The following HIPK2 variants were observed in gnomAD, a reference collection of about 807,000 sequenced individuals.
HIPK2 encodes the protein homeodomain-interacting protein kinase 2.
A neutral mutation model predicts 113.7 loss-of-function variants in HIPK2; 27 were observed. The ratio of observed to expected loss-of-function variants is 0.24; its 90% CI spans 0.17 to 0.33. HIPK2 has a LOEUF of 0.33. Ranked by LOEUF, HIPK2 falls within the 10% of genes least tolerant of loss-of-function variation. The pLI, the probability that HIPK2 is intolerant of heterozygous loss-of-function variation, is 1.00. For synonymous variants in HIPK2, 631 were observed against 642.2 expected (o/e 0.98, Z 0.26); for missense variants, 1,257 against 1,588.0 (o/e 0.79, Z 3.54).
intron 1 of HIPK2, among the ~76,000 whole-genome samples, chr7:139,719,732 G>A (rs753733332): frequency 2.0e-5 from 3 of 152,176 alleles, no homozygotes; most frequent in Admixed American, 1.3e-4. Flanking sequence ...TAGACAAGAA[G>A]GTGCTAAGCC....
intron 2 of HIPK2, among the ~76,000 whole-genome samples, chr7:139,664,399 T>G (rs1476604419): frequency 6.6e-6 from 1 of 151,988 alleles, no homozygotes; most frequent in Non-Finnish European, 1.5e-5. Context: ...TAGCCGGGCA[T>G]GGTGGTGGGT....
At chr7:139,585,659 A>G (rs952606653) in intron 12 of HIPK2, among the ~76,000 whole-genome samples, 2 of 152,196 alleles carry the variant, frequency 1.3e-5, no homozygotes, top group Admixed American at 1.3e-4. Flanking sequence ...TTGTTTTGAG[A>G]ACTAAGTGAG....
At chr7:139,730,403 C>T (rs1795738030) in intron 1 of HIPK2, among the ~76,000 whole-genome samples, 1 of 151,992 alleles carries the variant, frequency 6.6e-6, no homozygotes, top group African/African-American at 2.4e-5. Flanking sequence ...CTCTGTCGCC[C>T]AGGCTGGAGT....
chr7:139,605,707 T>C (rs1407857357), intron 9 of HIPK2, among the ~76,000 whole-genome samples: 2 of 152,164 alleles, frequency 1.3e-5, no homozygotes, highest in Admixed American at 1.3e-4. Context: ...TTTGATACTG[T>C]TTGTTTGCTT....
chr7:139,705,422 G>C lies in HIPK2; in HGVS notation c.1103+10510C>G, dbSNP rs1357711365. 3.3e-5 allele frequency among the ~76,000 whole-genome samples: 5 copies of C among 152,054 alleles called. No homozygotes were observed. In the East Asian group the frequency reaches 9.7e-4, roughly 29 times the overall value. ...GACGGAGTCTCGCTATGTCGCCCAG[G>C]CTGGAGTGCAGTGGCGCAATCTCGG... is the stretch of plus-strand genomic sequence containing the variant. On this transcript the variant is annotated intron_variant, in intron 2 of 14. Coordinates refer to ENST00000406875, the MANE Select transcript of HIPK2 (RefSeq NM_022740.5).
chr7:139,571,861 G>A lies in HIPK2; in HGVS notation c.*1066C>T, dbSNP rs1258643239. The A allele has an allele frequency of 1.3e-5, 2 of 152,310 alleles. No homozygotes were observed. Among genetic ancestry groups the A allele is most frequent in the African/African-American group, 4.8e-5 (2 of 41,590 alleles). The allele number at this position is 152,310 out of a possible 1,614,324, so 9.4% of individuals were successfully genotyped here. ...AGGGTGGCGGCGCCGAGGGCCACGC[G>A]GGGAGGGCGGCGCGTGCACACCCAC... is the stretch of plus-strand genomic sequence containing the variant. On this transcript the variant is annotated 3_prime_UTR_variant, in exon 15 of 15. Coordinates refer to ENST00000406875, the MANE Select transcript of HIPK2 (RefSeq NM_022740.5).
At chr7:139,705,346 A>C (rs1433877849) in intron 2 of HIPK2, among the ~76,000 whole-genome samples, 1 of 152,062 alleles carries the variant, frequency 6.6e-6, no homozygotes, top group Non-Finnish European at 1.5e-5. Context: ...CTTCTCTTAA[A>C]AGGGAAAACT....
intron 1 of HIPK2, among the ~76,000 whole-genome samples, chr7:139,766,712 G>A (rs1796558645): frequency 6.6e-6 from 1 of 152,198 alleles, no homozygotes; most frequent in Admixed American, 6.5e-5. Flanking sequence ...CCAATTACTT[G>A]TTATGAGTCC....
chr7:139,695,790 G>A (rs1794546200), intron 2 of HIPK2, among the ~76,000 whole-genome samples: 1 of 152,196 alleles, frequency 6.6e-6, no homozygotes, highest in Non-Finnish European at 1.5e-5. Flanking sequence ...GGATGAAATG[G>A]CTACAAAACC....
chr7:139,588,367 C>T (rs187815907), intron 12 of HIPK2, among the ~76,000 whole-genome samples: 1 of 149,852 alleles, frequency 6.7e-6, no homozygotes, highest in East Asian at 2.0e-4. Context: ...AAACAAAAAA[C>T]AATCCTGGGT....
intron 2 of HIPK2, among the ~76,000 whole-genome samples, chr7:139,668,056 G>A (rs546392111): frequency 2.6e-5 from 4 of 151,466 alleles, no homozygotes; most frequent in African/African-American, 9.7e-5. Flanking sequence ...AACCCAGGAG[G>A]TGGAGGTTGC....
At chr7:139,688,912 C>T (rs746892864) in intron 2 of HIPK2, among the ~76,000 whole-genome samples, 2 of 152,160 alleles carry the variant, frequency 1.3e-5, no homozygotes, top group African/African-American at 2.4e-5. Context: ...CTTCTGGGTA[C>T]ATTCAGGGGC....
chr7:139,701,556 T>A (rs915136419), intron 2 of HIPK2, among the ~76,000 whole-genome samples: 61 of 152,240 alleles, frequency 4.0e-4, no homozygotes, highest in Non-Finnish European at 7.8e-4. Flanking sequence ...CGTCTCTCTG[T>A]CTCATTACCC....
At chr7:139,668,192 G>A (rs1251701482) in intron 2 of HIPK2, among the ~76,000 whole-genome samples, 3 of 150,690 alleles carry the variant, frequency 2.0e-5, no homozygotes, top group Admixed American at 2.0e-4. Flanking sequence ...TAAAATCAAC[G>A]GTATCTTATG....
intron 1 of HIPK2, among the ~76,000 whole-genome samples, chr7:139,722,710 T>C (rs1795451025): frequency 6.6e-6 from 1 of 151,978 alleles, no homozygotes; most frequent in Non-Finnish European, 1.5e-5. Context: ...ATGCTTACCC[T>C]GTTAGGCCAA....
At chr7:139,702,341 T>TG (rs1463935897) in intron 2 of HIPK2, among the ~76,000 whole-genome samples, 6 of 152,130 alleles carry the variant, frequency 3.9e-5, no homozygotes, top group African/African-American at 1.4e-4. Context: ...AATGCCCCTG[T>TG]GGAGACAGGG....
intron 2 of HIPK2, among the ~76,000 whole-genome samples, chr7:139,713,713 C>T (rs968620499): frequency 6.6e-6 from 1 of 152,200 alleles, no homozygotes; most frequent in Non-Finnish European, 1.5e-5. Context: ...GGGCTGTTCA[C>T]CCTGAATTCA....
At chr7:139,743,971 C>G (rs1213519725) in intron 1 of HIPK2, among the ~76,000 whole-genome samples, 1 of 152,142 alleles carries the variant, frequency 6.6e-6, no homozygotes, top group African/African-American at 2.4e-5. Context: ...GAATGAAGAA[C>G]TGAATATACA....
chr7:139,581,343 C>G (rs1268929521), intron 13 of HIPK2, among the ~76,000 whole-genome samples: 1 of 152,204 alleles, frequency 6.6e-6, no homozygotes, highest in East Asian at 1.9e-4. Context: ...CTTCAGAGAG[C>G]AGGCATCTGG....
Sources: gnomAD v4.1 joint callset for allele counts (sites outside exome capture counted in the v4.1 genomes callset) on GRCh38, gnomAD v4.1.1 for gene constraint, MANE v1.5 for transcripts, NCBI Gene and HGNC (gene_info 2026-07-23, HGNC 2026-07-21) for gene names.